VAMP4: variants seen among roughly 807,000 people sequenced by gnomAD.
VAMP4 encodes the protein vesicle-associated membrane protein 4.
Under a neutral mutation model 23.5 loss-of-function variants are expected in VAMP4, and 19 were observed. That is an observed-to-expected ratio of 0.81 (90% CI 0.56 to 1.19). VAMP4 has a LOEUF of 1.19. VAMP4 is among the 50% of genes most tolerant of loss of function. VAMP4 has a pLI of 0.00. For synonymous variants in VAMP4, 31 were observed against 51.0 expected (o/e 0.61, Z 1.67); for missense variants, 145 against 168.6 (o/e 0.86, Z 0.78).
intron 3 of VAMP4, 22 bp from the exon 4 acceptor site, chr1:171,719,243 GT>G: frequency 6.3e-7 from 1 of 1,593,136 alleles, no homozygotes; most frequent in Admixed American, 1.7e-5. Context: ...TACATACCAA[GT>G]ACATATTAGT....
At chr1:171,719,314 C>T (rs180803798) in intron 3 of VAMP4, 93 bp from the exon 4 acceptor site, 2 of 1,054,836 alleles carry the variant, frequency 1.9e-6, no homozygotes, top group East Asian at 5.2e-5. Context: ...TACAAACAAT[C>T]AAGCTGAACT....
intron 3 of VAMP4, among the ~76,000 whole-genome samples, chr1:171,723,284 T>A (rs1655259232): frequency 6.6e-6 from 1 of 152,110 alleles, no homozygotes; most frequent in Non-Finnish European, 1.5e-5. Context: ...ATTGATAACA[T>A]CTTATCAGGA....
intron 3 of VAMP4, among the ~76,000 whole-genome samples, chr1:171,719,471 G>T (rs1475251180): frequency 6.6e-6 from 1 of 152,034 alleles, no homozygotes; most frequent in Non-Finnish European, 1.5e-5. Flanking sequence ...AACTTTCAGA[G>T]AAATTAGGGT....
chr1:171,727,707 A>G (rs921828297), intron 3 of VAMP4, among the ~76,000 whole-genome samples: 2 of 152,356 alleles, frequency 1.3e-5, no homozygotes, highest in Admixed American at 6.5e-5. Context: ...AAATCCACAC[A>G]TAAGTGAATG....
chr1:171,730,922 C>A (rs992849736), intron 2 of VAMP4, among the ~76,000 whole-genome samples: 12 of 152,056 alleles, frequency 7.9e-5, no homozygotes, highest in Middle Eastern at 3.4e-3. Flanking sequence ...AGGATGTATT[C>A]GGCTGGGCGC....
chr1:171,710,397 G>C (rs1654812471), intron 5 of VAMP4, among the ~76,000 whole-genome samples: 1 of 152,020 alleles, frequency 6.6e-6, no homozygotes. Flanking sequence ...GTGTTGAAAA[G>C]TGAGTAGGTC....
chr1:171,709,631 G>A, intron 6 of VAMP4, 34 bp downstream of exon 6: 1 of 1,599,266 alleles, frequency 6.3e-7, no homozygotes, highest in Non-Finnish European at 8.6e-7. Flanking sequence ...TTCAGATGCT[G>A]ACCAGTCTAT....
Position 171,703,974 on chromosome 1 carries a change from A to C in VAMP4, c.*532T>G, listed in dbSNP as rs1239928667. 18 of 152,492 alleles carry C rather than the reference A, an allele frequency of 1.2e-4. No homozygotes were observed. The highest frequency in any genetic ancestry group is 1.5e-4 in the Non-Finnish European group (10 of 67,930). The allele number at this position is 152,492 out of a possible 1,614,324, so 9.4% of individuals were successfully genotyped here. ...GTTTTTAGTTATACCTGAGGGCAACAACATTTACAACATTTAGCTTTTGTT... is the reference window on the plus strand; with the variant it reads ...GTTTTTAGTTATACCTGAGGGCAACCACATTTACAACATTTAGCTTTTGTT... On this transcript the variant is annotated 3_prime_UTR_variant, in exon 8 of 8. Coordinates refer to ENST00000236192, the MANE Select transcript of VAMP4 (RefSeq NM_003762.5).
At chr1:171,718,952 C>T (rs1173686711) in intron 4 of VAMP4, among the ~76,000 whole-genome samples, 1 of 152,050 alleles carries the variant, frequency 6.6e-6, no homozygotes, top group African/African-American at 2.4e-5. Flanking sequence ...TTTTGTGGGC[C>T]ATAAAATGTG....
At chr1:171,728,640 G>T (rs1655452679) in intron 2 of VAMP4, 70 bp from the exon 3 acceptor site, 2 of 1,443,952 alleles carry the variant, frequency 1.4e-6, no homozygotes, top group Admixed American at 2.4e-5. Flanking sequence ...GAGGAGTAAT[G>T]AAATAAGTCC....
chr1:171,730,808 A>G (rs1655537048), intron 2 of VAMP4, among the ~76,000 whole-genome samples: 1 of 152,202 alleles, frequency 6.6e-6, no homozygotes, highest in Non-Finnish European at 1.5e-5. Flanking sequence ...GGAATCTACC[A>G]TAAGAAAAGG....
intron 3 of VAMP4, 85 bp from the exon 4 acceptor site, chr1:171,719,306 C>T (rs779440840): frequency 1.8e-4 from 210 of 1,164,086 alleles, no homozygotes; most frequent in Admixed American, 2.5e-4. Flanking sequence ...TACACAAATA[C>T]AAACAATCAA....
chr1:171,721,453 T>C (rs750281480), intron 3 of VAMP4, among the ~76,000 whole-genome samples: 2 of 152,182 alleles, frequency 1.3e-5, no homozygotes, highest in African/African-American at 4.8e-5. Flanking sequence ...TTTGGCAAGA[T>C]TGTAGAATAC....
In VAMP4 at chr1:171,706,348, T is replaced by A; in HGVS notation, c.397+19A>T. 1.9e-6 allele frequency: 3 copies of A among 1,596,530 alleles called. No individual in the cohort carries two copies. The highest frequency in any genetic ancestry group is 2.6e-6 in the Non-Finnish European group (3 of 1,172,444). Reference sequence around the variant, plus strand: ...AAATAAATGATACCCTAGGAAGTAATAATCCAATAAATACTTACTGATAAT... The same window carrying A: ...AAATAAATGATACCCTAGGAAGTAAAAATCCAATAAATACTTACTGATAAT... On this transcript the variant is annotated intron_variant, in intron 7 of 7. Transcript: ENST00000236192.
In VAMP4 at chr1:171,731,183, C is replaced by T. The variant is rs1655554246; in HGVS notation, c.67-2613G>A. On this transcript the variant is annotated intron_variant, in intron 2 of 7. Transcript: ENST00000236192. ...CGGTTTTGAACAAAACAAATCTGAG[C>T]TCTCACAGAAAAACAGGATTGCAAT... is the stretch of plus-strand genomic sequence containing the variant. Among the ~76,000 whole-genome samples the T allele has an allele frequency of 2.0e-5, 3 of 152,102 alleles. No individual in the cohort carries two copies. The South Asian group carries it at 6.2e-4, about 31-fold the overall frequency.
intron 6 of VAMP4, among the ~76,000 whole-genome samples, chr1:171,707,172 A>G (rs553200288): frequency 6.6e-6 from 1 of 152,300 alleles, no homozygotes; most frequent in South Asian, 2.1e-4. Context: ...GTCATTAAAC[A>G]TATAAGAGTT....
At chr1:171,734,216 C>T (rs1217442604) in intron 2 of VAMP4, among the ~76,000 whole-genome samples, 3 of 141,364 alleles carry the variant, frequency 2.1e-5, no homozygotes, top group Non-Finnish European at 3.0e-5. Context: ...TGCAGTGAGC[C>T]GAGATCGCAC....
intron 2 of VAMP4, among the ~76,000 whole-genome samples, chr1:171,735,433 T>C (rs1655710981): frequency 1.3e-5 from 2 of 152,280 alleles, no homozygotes; most frequent in African/African-American, 4.8e-5. Context: ...TTCCGAGAGG[T>C]GATTTTACTA....
At chr1:171,713,462 C>CA (rs1482843890) in intron 4 of VAMP4, among the ~76,000 whole-genome samples, 2 of 152,072 alleles carry the variant, frequency 1.3e-5, no homozygotes, top group Admixed American at 6.6e-5. Flanking sequence ...CGGGCGCATT[C>CA]AGGGTGGTAT....
Sources: gnomAD v4.1 joint callset for allele counts (sites outside exome capture counted in the v4.1 genomes callset) on GRCh38, gnomAD v4.1.1 for gene constraint, MANE v1.5 for transcripts, NCBI Gene and HGNC (gene_info 2026-07-23, HGNC 2026-07-21) for gene names.